CLEC6A: variants seen among roughly 807,000 people sequenced by gnomAD.
The protein encoded by CLEC6A is C-type lectin domain containing 6A.
In CLEC6A, 22 loss-of-function variants were observed where a neutral mutation model predicts 25.7. That is an observed-to-expected ratio of 0.85 (90% CI 0.61 to 1.22). CLEC6A has a LOEUF of 1.22. Among genes scored for constraint, CLEC6A ranks in the 50% most tolerant of loss-of-function variants. CLEC6A has a pLI of 0.00. For missense variants in CLEC6A, 240 were observed against 236.8 expected, an observed-to-expected ratio of 1.01 and a Z score of -0.09; for synonymous variants, 92 against 76.7, an observed-to-expected ratio of 1.20 and a Z score of -1.04.
chr12:8,467,688 A>G (rs921316168), intron 4 of CLEC6A, among the ~76,000 whole-genome samples: 2 of 152,216 alleles, frequency 1.3e-5, no homozygotes, highest in African/African-American at 4.8e-5. Context: ...GATATTCCAT[A>G]TGAACTTTAG....
intron 3 of CLEC6A, among the ~76,000 whole-genome samples, chr12:8,464,832 G>A (rs1354545870): frequency 6.6e-6 from 1 of 152,136 alleles, no homozygotes; most frequent in East Asian, 1.9e-4. Flanking sequence ...TGTTTAAGAT[G>A]CTTAAAGCAT....
At chr12:8,460,794 C>T in intron 3 of CLEC6A, 3 of 1,283,928 alleles carry the variant, frequency 2.3e-6, no homozygotes, top group Non-Finnish European at 3.4e-6. Context: ...AACAAGGTTA[C>T]CTTATATATA....
At chr12:8,469,972 A>G (rs1330868136) in intron 4 of CLEC6A, among the ~76,000 whole-genome samples, 1 of 152,234 alleles carries the variant, frequency 6.6e-6, no homozygotes, top group Non-Finnish European at 1.5e-5. Context: ...ACAGCAAAAG[A>G]AATAATCAGC....
chr12:8,459,528 A>G (rs1939724390), intron 2 of CLEC6A, 69 bp from the exon 3 acceptor site: 2 of 981,472 alleles, frequency 2.0e-6, no homozygotes, highest in East Asian at 2.4e-5. Context: ...CCAGCACTGT[A>G]CAGATATAGA....
chr12:8,461,092 AG>A, intron 3 of CLEC6A: 1 of 1,595,940 alleles, frequency 6.3e-7, no homozygotes, highest in Admixed American at 1.7e-5. Flanking sequence ...CCACAAGCAC[AG>A]GGAGATGTGT....
Position 8,466,932 on chromosome 12 carries a change from G to A in CLEC6A, c.369+1303G>A, listed in dbSNP as rs375842037. Among the ~76,000 whole-genome samples the A allele has an allele frequency of 2.2e-4, 33 of 152,298 alleles. 1 individual carries two copies. The South Asian group carries it at 2.9e-3, about 13-fold the overall frequency. The stretch of plus-strand genomic sequence containing the variant: ...CTCCCAAAGTGCTGGGGTTACAGGC[G>A]TGAGCCACCTCACCCGACTGGCAAC... On this transcript the variant is annotated intron_variant, in intron 4 of 5. Coordinates refer to ENST00000382073, the MANE Select transcript of CLEC6A (RefSeq NM_001007033.2).
At chr12:8,466,686 C>T (rs778194533) in intron 4 of CLEC6A, among the ~76,000 whole-genome samples, 6 of 147,364 alleles carry the variant, frequency 4.1e-5, no homozygotes, top group South Asian at 2.2e-4. Context: ...GACAGAGTGT[C>T]GCTCTGTTGC....
intron 3 of CLEC6A, among the ~76,000 whole-genome samples, chr12:8,462,220 C>T (rs1213853069): frequency 3.9e-4 from 57 of 144,820 alleles, no homozygotes; most frequent in South Asian, 1.9e-3. Flanking sequence ...GGGACACAAA[C>T]ACTGCGGAAG....
chr12:8,459,428 A>T (rs770354539), intron 2 of CLEC6A, among the ~76,000 whole-genome samples, 169 bp from the exon 3 acceptor site: 1 of 152,272 alleles, frequency 6.6e-6, no homozygotes, highest in Non-Finnish European at 1.5e-5. Flanking sequence ...ATATATAAAA[A>T]AATAAGATAA....
chr12:8,463,281 A>T (rs1939788377), intron 3 of CLEC6A, among the ~76,000 whole-genome samples: 1 of 152,064 alleles, frequency 6.6e-6, no homozygotes, highest in African/African-American at 2.4e-5. Flanking sequence ...ATATCAAAAC[A>T]TCACAAAGTT....
intron 5 of CLEC6A, among the ~76,000 whole-genome samples, chr12:8,476,644 C>T (rs1035732484): frequency 2.0e-5 from 3 of 152,040 alleles, no homozygotes; most frequent in Non-Finnish European, 4.4e-5. Flanking sequence ...CATAATAATA[C>T]TATTTACTTG....
intron 4 of CLEC6A, among the ~76,000 whole-genome samples, chr12:8,471,417 G>C (rs1346411244): frequency 1.3e-5 from 2 of 151,830 alleles, no homozygotes; most frequent in African/African-American, 2.4e-5. Context: ...CTGATTCTGG[G>C]CTTTTTTTTG....
intron 5 of CLEC6A, among the ~76,000 whole-genome samples, chr12:8,476,463 A>G (rs1160205208): frequency 6.6e-6 from 1 of 152,152 alleles, no homozygotes; most frequent in African/African-American, 2.4e-5. Context: ...CAATAAACTA[A>G]TAAGATGAGA....
intron 3 of CLEC6A, among the ~76,000 whole-genome samples, chr12:8,465,109 A>G (rs1220972008): frequency 6.6e-6 from 1 of 152,184 alleles, no homozygotes; most frequent in Non-Finnish European, 1.5e-5. Context: ...TTGAAAACCT[A>G]AGGCTCTGTG....
rs1591707841 is a variant in CLEC6A at position 8,465,566 on chromosome 12, G to A, written c.306G>A (p.Lys102=). The change falls in exon 4 of 6, where the codon AAG becomes AAA. Residue 102 remains lysine, a synonymous_variant. Transcript: ENST00000382073. ...CCAGTGAAGAGAAGGTTTGGTCTAA[G>A]AGTGAGCAGAACTGTGTTGAGATGG... ...FISSEEKVWS[K]SEQNCVEMGA... The A allele has an allele frequency of 6.2e-7, 1 of 1,614,092 alleles. No homozygotes were observed. Among genetic ancestry groups the A allele is most frequent in the Non-Finnish European group, 8.5e-7 (1 of 1,179,980 alleles).
chr12:8,468,827 C>T (rs187981620), intron 4 of CLEC6A, among the ~76,000 whole-genome samples: 100 of 152,086 alleles, frequency 6.6e-4, no homozygotes, highest in Non-Finnish European at 1.0e-3. Context: ...CTACAGCCAA[C>T]ATTATACTCA....
intron 4 of CLEC6A, 96 bp from the exon 5 acceptor site, chr12:8,476,029 T>C: frequency 1.4e-6 from 1 of 705,144 alleles, no homozygotes; most frequent in East Asian, 2.8e-5. Flanking sequence ...CCTTGTGTTT[T>C]CTTCTAAAGA....
chr12:8,466,657 G>GT (rs1412141355), intron 4 of CLEC6A, among the ~76,000 whole-genome samples: 7 of 63,142 alleles, frequency 1.1e-4, no homozygotes, highest in Admixed American at 6.1e-4. Context: ...AGCAAGTGTT[G>GT]TTTTGTTTTT....
Position 8,477,555 on chromosome 12 carries a change from T to C in CLEC6A, c.*91T>C. ...TTGAACCCTATCATGAAATGATAAT[T>C]TCTTCCTGAATTTACACATAATCCT... On this transcript the variant is annotated 3_prime_UTR_variant, in exon 6 of 6. Transcript: ENST00000382073. The C allele has an allele frequency of 1.0e-6, 1 of 993,100 alleles. No individual in the cohort carries two copies. Among genetic ancestry groups the C allele is most frequent in the Non-Finnish European group, 1.5e-6 (1 of 685,058 alleles). 61.5% of individuals were successfully genotyped at this position (993,100 alleles called of 1,614,324 possible).
Sources: gnomAD v4.1 joint callset for allele counts (sites outside exome capture counted in the v4.1 genomes callset) on GRCh38, gnomAD v4.1.1 for gene constraint, MANE v1.5 for transcripts, NCBI Gene and HGNC (gene_info 2026-07-23, HGNC 2026-07-21) for gene names.